Variants in GUCY2F observed in about 807,000 individuals in gnomAD.
The protein encoded by GUCY2F is guanylate cyclase 2F, retinal.
A neutral mutation model predicts 73.1 loss-of-function variants in GUCY2F; 61 were observed. The ratio of observed to expected loss-of-function variants is 0.83; its 90% CI spans 0.68 to 1.03. GUCY2F has a LOEUF of 1.03. GUCY2F is among the 50% of genes least tolerant of loss of function. The pLI, the probability that GUCY2F is intolerant of heterozygous loss-of-function variation, is 0.00. For synonymous variants in GUCY2F, 331 were observed against 307.8 expected, an observed-to-expected ratio of 1.08 and a Z score of -0.79; for missense variants, 912 against 854.3, an observed-to-expected ratio of 1.07 and a Z score of -0.84.
In GUCY2F at chrX:109,375,897, C is replaced by A; in HGVS notation, c.*1+1G>T. On this transcript the variant is annotated splice_donor_variant, in intron 19 of 19. Coordinates refer to ENST00000218006, the MANE Select transcript of GUCY2F (RefSeq NM_001522.3). LOFTEE classifies it low-confidence loss of function (3UTR_SPLICE). ...TGCTCTGTTTTCCTCCTGGCCATTA[C>A]CTTATGGCTTGTTTCTCACCAACTG... 8.4e-7 allele frequency: 1 copy of A among 1,196,479 alleles called. No homozygotes were observed. Among genetic ancestry groups the A allele is most frequent in the Admixed American group, 2.2e-5 (1 of 46,092 alleles).
chrX:109,402,017 G>A (rs1259362287), intron 10 of GUCY2F, among the ~76,000 whole-genome samples: 2 of 111,491 alleles, frequency 1.8e-5, no homozygotes, highest in African/African-American at 6.5e-5. Context: ...GGCTCAGCTC[G>A]TAAGCCATGT....
chrX:109,474,848 A>G (rs1932650962), intron 2 of GUCY2F, among the ~76,000 whole-genome samples: 2 of 111,918 alleles, frequency 1.8e-5, no homozygotes, highest in South Asian at 7.6e-4. Flanking sequence ...AGCCATAAGA[A>G]GACCCGCGCC....
intron 2 of GUCY2F, among the ~76,000 whole-genome samples, chrX:109,468,746 A>T (rs1253381119): frequency 8.9e-6 from 1 of 111,976 alleles, no homozygotes; most frequent in African/African-American, 3.2e-5. Flanking sequence ...TCAACAGGGA[A>T]TAATCACAGG....
At chrX:109,458,553 C>T in intron 3 of GUCY2F, among the ~76,000 whole-genome samples, 1 of 111,251 alleles carries the variant, frequency 9.0e-6, no homozygotes, top group Admixed American at 9.5e-5. Context: ...GTTCAAGTCC[C>T]TTGTCCTAGT....
rs1257506876 is a variant in GUCY2F, at chrX:109,430,355, A to C, written c.1743T>G (p.Phe581Leu). 2 of 1,146,257 alleles carry C rather than the reference A, an allele frequency of 1.7e-6. No homozygotes were observed. Among genetic ancestry groups the C allele is most frequent in the Non-Finnish European group, 2.4e-6 (2 of 836,834 alleles). 94.5% of individuals were successfully genotyped at this position (1,146,257 alleles called of 1,213,427 possible). Residue 581 changes from phenylalanine to leucine, a missense_variant, in exon 8 of 20, where the codon TTT becomes TTG. Physicochemically the swap from Phe to Leu is conservative, Grantham distance 22. Coordinates refer to ENST00000218006, the MANE Select transcript of GUCY2F (RefSeq NM_001522.3). ...VWLKKFSLGDFGDLKSIKSRA... is the reference protein window; with the variant it reads ...VWLKKFSLGDLGDLKSIKSRA... The stretch of plus-strand genomic sequence containing the variant: ...TTGATTTGATGGACTTAAGGTCTCC[A>C]AAATCTCCAAGGGAGAACTTTTTCA...
intron 8 of GUCY2F, among the ~76,000 whole-genome samples, chrX:109,413,485 A>T (rs1264862461): frequency 9.2e-6 from 1 of 109,255 alleles, no homozygotes; most frequent in Non-Finnish European, 1.9e-5. Context: ...GCTCACTGCA[A>T]CCTCCGCCTC....
At chrX:109,422,785 C>T (rs184761672) in intron 8 of GUCY2F, among the ~76,000 whole-genome samples, 1 of 111,420 alleles carries the variant, frequency 9.0e-6, no homozygotes, top group Non-Finnish European at 1.9e-5. Context: ...AAGAGAAATT[C>T]AAATATGTGT....
At chrX:109,466,870 TAGA>T (rs1332506945) in intron 2 of GUCY2F, among the ~76,000 whole-genome samples, 1 of 112,508 alleles carries the variant, frequency 8.9e-6, no homozygotes, top group Non-Finnish European at 1.9e-5. Context: ...TAAGCACCCC[TAGA>T]AAGTTTCCCT....
intron 8 of GUCY2F, among the ~76,000 whole-genome samples, chrX:109,419,040 G>A (rs1353414297): frequency 9.1e-6 from 1 of 110,299 alleles, no homozygotes; most frequent in African/African-American, 3.3e-5. Flanking sequence ...GGCACAATAT[G>A]AAATAATAAT....
At chrX:109,404,748 C>T (rs770974508) in intron 9 of GUCY2F, among the ~76,000 whole-genome samples, 1 of 111,969 alleles carries the variant, frequency 8.9e-6, no homozygotes, top group African/African-American at 3.2e-5. Flanking sequence ...ATTTCAGATA[C>T]AGAATGGATC....
intron 19 of GUCY2F, among the ~76,000 whole-genome samples, chrX:109,373,479 A>G (rs1424071862): frequency 9.0e-6 from 1 of 111,729 alleles, no homozygotes; most frequent in Non-Finnish European, 1.9e-5. Flanking sequence ...GTTGAGTCCA[A>G]TAAAGACTCA....
intron 3 of GUCY2F, among the ~76,000 whole-genome samples, chrX:109,456,091 T>G (rs1051720689): frequency 1.8e-5 from 2 of 112,322 alleles, no homozygotes; most frequent in Non-Finnish European, 3.8e-5. Context: ...TGTCTCAAGA[T>G]GTACTCTGTA....
intron 15 of GUCY2F, among the ~76,000 whole-genome samples, chrX:109,385,960 G>C (rs1414807149): frequency 2.7e-5 from 3 of 110,983 alleles, no homozygotes; most frequent in Non-Finnish European, 5.7e-5. Context: ...TCTGGTTTCT[G>C]CTCTGATTTT....
At chrX:109,438,960 T>G (rs373170482) in intron 7 of GUCY2F, among the ~76,000 whole-genome samples, 16 of 112,918 alleles carry the variant, frequency 1.4e-4, no homozygotes, top group African/African-American at 4.8e-4. Context: ...CCTGCCCCTG[T>G]GGCAAGTCTG....
intron 7 of GUCY2F, among the ~76,000 whole-genome samples, chrX:109,434,528 A>G (rs1253741231): frequency 2.7e-5 from 3 of 110,001 alleles, no homozygotes; most frequent in East Asian, 5.7e-4. Context: ...AGGTCTTCCA[A>G]TGACAATTCT....
intron 19 of GUCY2F, among the ~76,000 whole-genome samples, chrX:109,373,648 G>A (rs1176307902): frequency 3.6e-5 from 4 of 111,812 alleles, no homozygotes; most frequent in Non-Finnish European, 5.6e-5. Flanking sequence ...ATTTCTCCTT[G>A]TCCTAATCAA....
chrX:109,382,261 A>T, intron 16 of GUCY2F, 49 bp from the exon 17 acceptor site: 1 of 680,547 alleles, frequency 1.5e-6, no homozygotes, highest in Non-Finnish European at 2.4e-6. Context: ...CACTGGCAAA[A>T]TTAATGAGAA....
chrX:109,403,722 T>C lies in GUCY2F; in HGVS notation c.2125+606A>G, dbSNP rs146068075. On this transcript the variant is annotated intron_variant, in intron 10 of 19. Transcript: ENST00000218006. ...ACACACCAAGGACCACCCTGGTCTA[T>C]GTGCATGCCACAAAATGAAATTCTG... Among the ~76,000 whole-genome samples the C allele has an allele frequency of 2.5e-3, 276 of 112,618 alleles. 2 individuals are homozygous for C. Among genetic ancestry groups the C allele is most frequent in the African/African-American group, 8.3e-3 (258 of 31,033 alleles).
At chrX:109,417,519 G>A (rs73639125) in intron 8 of GUCY2F, among the ~76,000 whole-genome samples, 6,483 of 110,699 alleles carry the variant, frequency 0.059, 460 homozygotes, top group African/African-American at 0.2. Context: ...GAAACAAAAC[G>A]GAATATATGA....
Sources: gnomAD v4.1 joint callset for allele counts (sites outside exome capture counted in the v4.1 genomes callset) on GRCh38, gnomAD v4.1.1 for gene constraint, MANE v1.5 for transcripts, NCBI Gene and HGNC (gene_info 2026-07-23, HGNC 2026-07-21) for gene names.